Variants in ZXDC observed in about 807,000 individuals in gnomAD.
The protein encoded by ZXDC is ZXD family zinc finger C, also known as zinc finger protein ZXDC.
In ZXDC, 58 loss-of-function variants were observed where a neutral mutation model predicts 63.6. The ratio of observed to expected loss-of-function variants is 0.91; its 90% CI spans 0.74 to 1.13. ZXDC has a LOEUF of 1.13. ZXDC is among the 50% of genes most tolerant of loss of function. The pLI is 0.00. For synonymous variants in ZXDC, 561 were observed against 496.1 expected, an observed-to-expected ratio of 1.13 and a Z score of -1.74; for missense variants, 1,133 against 1,148.9, an observed-to-expected ratio of 0.99 and a Z score of 0.20.
chr3:126,474,623 G>A (rs1480885707), intron 1 of ZXDC, among the ~76,000 whole-genome samples: 1 of 151,920 alleles, frequency 6.6e-6, no homozygotes, highest in Non-Finnish European at 1.5e-5. Flanking sequence ...AACAAATGAC[G>A]AGACTGAGGA....
rs773995576 is a variant in ZXDC, at chr3:126,475,137, G to A, written c.729C>T (p.Gly243=). Residue 243 remains glycine, a synonymous_variant, in exon 1 of 10, where the codon GGC becomes GGT. Coordinates refer to ENST00000389709, the MANE Select transcript of ZXDC (RefSeq NM_025112.5). The part of the protein sequence containing the change: ...DKLRPFGCPV[G]GCGKKFTTVY... ...CCGTAGTGAACTTCTTGCCACAGCC[G>A]CCCACTGGACAGCCGAAGGGCCGCA... The A allele has an allele frequency of 2.5e-6, 4 of 1,609,472 alleles. No individual in the cohort carries two copies. Among genetic ancestry groups the A allele is most frequent in the South Asian group, 2.2e-5 (2 of 90,266 alleles).
At chr3:126,472,403 C>A (rs1398463739) in intron 1 of ZXDC, 98 bp from the exon 2 acceptor site, 4 of 1,423,998 alleles carry the variant, frequency 2.8e-6, no homozygotes, top group Non-Finnish European at 3.8e-6. Context: ...CACACTGAAG[C>A]AGACAAGGGA....
chr3:126,442,137 A>G, intron 7 of ZXDC, 191 bp from the exon 8 acceptor site: 1 of 561,890 alleles, frequency 1.8e-6, no homozygotes, highest in Non-Finnish European at 2.7e-6. Flanking sequence ...ACGAACAAAA[A>G]AACATCAGGA....
intron 7 of ZXDC, among the ~76,000 whole-genome samples, chr3:126,444,305 G>C (rs980699480): frequency 6.6e-6 from 1 of 152,208 alleles, no homozygotes; most frequent in African/African-American, 2.4e-5. Flanking sequence ...GGCCAAGGCG[G>C]GCAGATTACA....
At chr3:126,439,047 C>G (rs1933570858) in intron 9 of ZXDC, among the ~76,000 whole-genome samples, 2 of 152,248 alleles carry the variant, frequency 1.3e-5, no homozygotes, top group African/African-American at 4.8e-5. Context: ...GCTCACCCCT[C>G]TGCAGCCTGG....
At chr3:126,447,143 AAGC>A (rs1933912803) in intron 7 of ZXDC, among the ~76,000 whole-genome samples, 1 of 152,308 alleles carries the variant, frequency 6.6e-6, no homozygotes, top group East Asian at 1.9e-4. Context: ...TATTCTCACC[AAGC>A]TACCTTCCCA....
chr3:126,464,585 G>A (rs1934682518), intron 5 of ZXDC, among the ~76,000 whole-genome samples: 1 of 152,164 alleles, frequency 6.6e-6, no homozygotes, highest in African/African-American at 2.4e-5. Context: ...GGTTGCTACA[G>A]AAGAGGGTCT....
intron 7 of ZXDC, chr3:126,458,978 A>AATC (rs1934416259): frequency 4.1e-6 from 4 of 980,656 alleles, no homozygotes; most frequent in African/African-American, 1.7e-5. Context: ...CAAGATATAA[A>AATC]ATCATATCAA....
chr3:126,473,871 C>T (rs1252723185), intron 1 of ZXDC, among the ~76,000 whole-genome samples: 2 of 152,128 alleles, frequency 1.3e-5, no homozygotes, highest in African/African-American at 2.4e-5. Flanking sequence ...CAATCCCCAC[C>T]TGGGCTCTGC....
intron 7 of ZXDC, chr3:126,451,852 T>C: frequency 5.1e-5 from 50 of 984,886 alleles, no homozygotes; most frequent in Non-Finnish European, 5.8e-5. Context: ...GTGGCACCCG[T>C]GCAGGAAGGG....
At chr3:126,470,162 CTACTA>C (rs1463776686) in intron 4 of ZXDC, among the ~76,000 whole-genome samples, 1 of 152,188 alleles carries the variant, frequency 6.6e-6, no homozygotes, top group Non-Finnish European at 1.5e-5. Flanking sequence ...AAAAACCACT[CTACTA>C]TACCTTTTAA....
At chr3:126,452,945 C>T in intron 7 of ZXDC, 2 of 881,080 alleles carry the variant, frequency 2.3e-6, no homozygotes, top group Non-Finnish European at 2.7e-6. Context: ...ACCACGTTGC[C>T]CAGGCTGGTC....
chr3:126,438,538 C>T, intron 9 of ZXDC, 77 bp from the exon 10 acceptor site: 6 of 1,368,226 alleles, frequency 4.4e-6, no homozygotes, highest in Non-Finnish European at 6.1e-6. Flanking sequence ...CACAGCAGGA[C>T]ACTGACCAGG....
chr3:126,465,134 T>G (rs968355900), intron 5 of ZXDC, among the ~76,000 whole-genome samples: 4 of 152,184 alleles, frequency 2.6e-5, no homozygotes, highest in African/African-American at 9.7e-5. Flanking sequence ...GAGGACCCAG[T>G]TGGTGACACA....
At chr3:126,457,741 C>A (rs977229135) in intron 7 of ZXDC, 1 of 774,034 alleles carries the variant, frequency 1.3e-6, no homozygotes, top group East Asian at 1.3e-4. Context: ...TAGAGTACCA[C>A]CGTTTAGAGT....
chr3:126,457,302 T>C (rs951693257), intron 7 of ZXDC: 2 of 985,406 alleles, frequency 2.0e-6, no homozygotes, highest in African/African-American at 1.7e-5. Context: ...GATGCAACAC[T>C]GTGACAAGAC....
intron 5 of ZXDC, among the ~76,000 whole-genome samples, chr3:126,464,275 G>A (rs574425143): frequency 6.8e-4 from 104 of 152,312 alleles, no homozygotes; most frequent in African/African-American, 2.5e-3. Context: ...AAACAGTCAT[G>A]ATCACCACAG....
At chr3:126,452,943 G>T in intron 7 of ZXDC, 1 of 844,046 alleles carries the variant, frequency 1.2e-6, no homozygotes, top group Non-Finnish European at 1.4e-6. Flanking sequence ...TTACCACGTT[G>T]CCCAGGCTGG....
In ZXDC at chr3:126,475,767, C is replaced by A; in HGVS notation, c.99G>T (p.Ala33=). The A allele has an allele frequency of 8.8e-7, 1 of 1,141,382 alleles. No individual in the cohort carries two copies. Among genetic ancestry groups the A allele is most frequent in the Non-Finnish European group, 1.1e-6 (1 of 932,440 alleles). The allele number at this position is 1,141,382 out of a possible 1,614,324, so 70.7% of individuals were successfully genotyped here. Residue 33 remains alanine (A), a synonymous_variant, in exon 1 of 10, where the codon GCG becomes GCT. Coordinates refer to ENST00000389709, the MANE Select transcript of ZXDC (RefSeq NM_025112.5). The part of the protein sequence containing the change: ...PLRRAPAPLG[A]SPARRRLLLV... Reference sequence around the variant, plus strand: ...GTAGCAGGCGGCGGCGCGCGGGGCTCGCGCCGAGCGGCGCTGGGGCTCGGC... The same window carrying A: ...GTAGCAGGCGGCGGCGCGCGGGGCTAGCGCCGAGCGGCGCTGGGGCTCGGC...
Sources: gnomAD v4.1 joint callset for allele counts (sites outside exome capture counted in the v4.1 genomes callset) on GRCh38, gnomAD v4.1.1 for gene constraint, MANE v1.5 for transcripts, NCBI Gene and HGNC (gene_info 2026-07-23, HGNC 2026-07-21) for gene names.